Variants in PDGFD observed in about 807,000 individuals in gnomAD.
PDGFD encodes platelet derived growth factor D.
In PDGFD, 30 loss-of-function variants were observed where a neutral mutation model predicts 44.7. The observed-to-expected ratio is 0.67, with a 90% CI of 0.50 to 0.91. The LOEUF (loss-of-function observed/expected upper bound fraction) is 0.91, where lower values mean the gene tolerates loss of function less well. PDGFD is among the 40% of genes least tolerant of loss of function. The pLI is 0.00. For missense variants in PDGFD, 445 were observed against 457.8 expected (o/e 0.97, Z 0.25); for synonymous variants, 173 against 168.4 (o/e 1.03, Z -0.21).
intron 1 of PDGFD, among the ~76,000 whole-genome samples, chr11:104,000,735 C>T (rs1439558612): frequency 1.3e-5 from 2 of 152,164 alleles, no homozygotes; most frequent in Non-Finnish European, 2.9e-5. Context: ...AACTTCAGTT[C>T]ATTTAGTATG....
chr11:103,979,984 C>T (rs1279826999), intron 3 of PDGFD, among the ~76,000 whole-genome samples: 1 of 152,042 alleles, frequency 6.6e-6, no homozygotes, highest in African/African-American at 2.4e-5. Context: ...GATTTTCCTT[C>T]ATAAATGCTT....
At chr11:103,918,393 T>C (rs144360928) in intron 6 of PDGFD, among the ~76,000 whole-genome samples, 302 of 152,298 alleles carry the variant, frequency 2.0e-3, no homozygotes, top group African/African-American at 6.9e-3. Context: ...GAGAGGGAAA[T>C]TATTTCTAAG....
At chr11:104,093,658 A>ATGAC in intron 1 of PDGFD, among the ~76,000 whole-genome samples, 1 of 151,808 alleles carries the variant, frequency 6.6e-6, no homozygotes, top group East Asian at 1.9e-4. Context: ...CTTTTAGCCA[A>ATGAC]TGACTCTAAG....
At position 104,151,783 on chromosome 11, in the gene PDGFD, T is replaced by A. The variant is rs571709161; in HGVS notation, c.124+12021A>T. On this transcript the variant is annotated intron_variant, in intron 1 of 6. Transcript: ENST00000393158. ...TGCTCAAGTTTTAATAACTTAATTA[T>A]AAGGGGTTGGCCTTTCATTTTCAAA... Among the ~76,000 whole-genome samples the A allele has an allele frequency of 3.3e-5, 5 of 152,286 alleles. No homozygotes were observed. In the East Asian group the frequency reaches 9.6e-4, roughly 29 times the overall value.
At chr11:104,133,034 C>T (rs1861946440) in intron 1 of PDGFD, among the ~76,000 whole-genome samples, 1 of 152,100 alleles carries the variant, frequency 6.6e-6, no homozygotes, top group Admixed American at 6.6e-5. Flanking sequence ...CAGGAAGAGG[C>T]ATACTGACTC....
intron 4 of PDGFD, 31 bp from the exon 5 acceptor site, chr11:103,943,681 GAAT>G: frequency 6.4e-7 from 1 of 1,569,008 alleles, no homozygotes; most frequent in East Asian, 2.3e-5. Context: ...AGTGTACTCA[GAAT>G]AAGTCCATTG....
At chr11:104,006,822 C>G (rs545421717) in intron 1 of PDGFD, among the ~76,000 whole-genome samples, 101 of 152,284 alleles carry the variant, frequency 6.6e-4, no homozygotes, top group African/African-American at 2.4e-3. Context: ...CCCTATCCAT[C>G]CTGGTGAGAG....
At chr11:103,912,402 T>C (rs9665766) in intron 6 of PDGFD, among the ~76,000 whole-genome samples, 69,046 of 151,364 alleles carry the variant, frequency 0.46, 15,761 homozygotes, top group South Asian at 0.49. Flanking sequence ...GAAGGAGAAA[T>C]AAAATCCTCT....
At chr11:104,034,532 C>A (rs574883052) in intron 1 of PDGFD, among the ~76,000 whole-genome samples, 4 of 152,100 alleles carry the variant, frequency 2.6e-5, no homozygotes, top group Non-Finnish European at 4.4e-5. Flanking sequence ...TTCTAACAAC[C>A]CTTCAAAGAA....
At chr11:103,947,924 C>T (rs1289054409) in intron 3 of PDGFD, among the ~76,000 whole-genome samples, 200 bp from the exon 4 acceptor site, 1 of 152,122 alleles carries the variant, frequency 6.6e-6, no homozygotes, top group Non-Finnish European at 1.5e-5. Context: ...TGGACATTTT[C>T]TTGTAAGTAC....
intron 3 of PDGFD, among the ~76,000 whole-genome samples, chr11:103,954,623 G>C (rs1591092429): frequency 6.6e-6 from 1 of 152,138 alleles, no homozygotes; most frequent in East Asian, 1.9e-4. Context: ...GACTTATTTG[G>C]GGAAAGTTTT....
intron 1 of PDGFD, among the ~76,000 whole-genome samples, chr11:104,141,480 C>A (rs1013142258): frequency 1.7e-4 from 25 of 151,400 alleles, no homozygotes; most frequent in Admixed American, 1.3e-4. Context: ...AGTGAGTTCT[C>A]TTATCTCTAA....
rs776533836 is a variant in PDGFD at position 103,909,753 on chromosome 11, T to C, written c.1054A>G (p.Ile352Val). 1.2e-6 allele frequency: 2 copies of C among 1,614,058 alleles called. No homozygotes were observed. Among genetic ancestry groups the C allele is most frequent in the East Asian group, 2.2e-5 (1 of 44,884 alleles). Reference protein sequence around the residue: ...GRAKTMALVDIQLDHHERCDC... With the variant: ...GRAKTMALVDVQLDHHERCDC... The stretch of plus-strand genomic sequence containing the variant: ...CATCGTTCATGGTGATCCAACTGGA[T>C]GTCAACTAGAGCCATGGTCTTAGCT... The change falls in exon 7 of 7, where the codon ATC (isoleucine) becomes GTC (valine). Residue 352 changes from isoleucine to valine, a missense_variant. Physicochemically the swap from Ile to Val is conservative, Grantham distance 29. Coordinates refer to ENST00000393158, the MANE Select transcript of PDGFD (RefSeq NM_025208.5).
intron 1 of PDGFD, among the ~76,000 whole-genome samples, chr11:104,078,868 T>C: frequency 2.0e-5 from 1 of 49,312 alleles, no homozygotes; most frequent in Middle Eastern, 0.017. Flanking sequence ...ATTTACTTTA[T>C]ATACTTTATA....
chr11:104,047,740 A>T (rs116053949), intron 1 of PDGFD, among the ~76,000 whole-genome samples: 3,042 of 117,990 alleles, frequency 0.026, 332 homozygotes, highest in African/African-American at 0.081. Context: ...ACTCCACTAT[A>T]ACTTTCCATG....
rs1482207077 is a variant in PDGFD, at chr11:103,949,036, T to A, written c.511-1312A>T. 2.2e-5 allele frequency among the ~76,000 whole-genome samples: 3 copies of A among 135,832 alleles called. No individual in the cohort carries two copies. The East Asian group carries it at 6.8e-4, about 31-fold the overall frequency. 89.1% of individuals were successfully genotyped at this position (135,832 alleles called of 152,430 possible). On this transcript the variant is annotated intron_variant, in intron 3 of 6. Transcript: ENST00000393158. ...TTTTTTTTTTGAGACCGAGTCTCACTCTGTCACCCAGGCTGGTGTGCAGTG... is the reference window on the plus strand; with the variant it reads ...TTTTTTTTTTGAGACCGAGTCTCACACTGTCACCCAGGCTGGTGTGCAGTG...
At chr11:103,965,333 T>G (rs1859000422) in intron 3 of PDGFD, among the ~76,000 whole-genome samples, 1 of 152,166 alleles carries the variant, frequency 6.6e-6, no homozygotes, top group African/African-American at 2.4e-5. Context: ...GTTAAGGGAC[T>G]TAAGTGAGAG....
rs145188772 is a variant in PDGFD at position 103,963,186 on chromosome 11, T to C, written c.511-15462A>G. On this transcript the variant is annotated intron_variant, in intron 3 of 6. Transcript: ENST00000393158. ...TTCACACATTTTCACATTTTTTCCTTGGAAAAAATGTTGGTTGGTGCATCA... is the reference window on the plus strand; with the variant it reads ...TTCACACATTTTCACATTTTTTCCTCGGAAAAAATGTTGGTTGGTGCATCA... Among the ~76,000 whole-genome samples the C allele has an allele frequency of 1.6e-3, 240 of 152,226 alleles. 1 individual carries two copies. The Middle Eastern group carries it at 0.02, about 13-fold the overall frequency.
intron 1 of PDGFD, among the ~76,000 whole-genome samples, chr11:104,025,792 C>G (rs900410104): frequency 6.6e-6 from 1 of 152,174 alleles, no homozygotes; most frequent in African/African-American, 2.4e-5. Flanking sequence ...AAAGAACAAG[C>G]ATCACAGAAC....
Sources: allele counts gnomAD v4.1 joint callset (sites outside exome capture counted in the v4.1 genomes callset), GRCh38; gene constraint gnomAD v4.1.1; transcripts MANE v1.5; gene names NCBI Gene and HGNC (gene_info 2026-07-23, HGNC 2026-07-21).